Variants in ST6GALNAC3 observed in about 807,000 individuals in gnomAD.
The protein encoded by ST6GALNAC3 is ST6 N-acetylgalactosaminide alpha-2,6-sialyltransferase 3.
ST6GALNAC3 carries 25 observed loss-of-function variants against 32.7 expected under a neutral mutation model. The observed-to-expected ratio is 0.76, with a 90% CI of 0.56 to 1.07. The LOEUF (loss-of-function observed/expected upper bound fraction) is 1.07, where lower values mean the gene tolerates loss of function less well. Among genes scored for constraint, ST6GALNAC3 ranks in the 50% least tolerant of loss-of-function variants. The probability of loss-of-function intolerance (pLI) is 0.00; values close to 1 mark genes in which losing one functional copy is unlikely to be tolerated. For synonymous variants in ST6GALNAC3, 129 were observed against 133.1 expected, an observed-to-expected ratio of 0.97 and a Z score of 0.21; for missense variants, 355 against 382.4, an observed-to-expected ratio of 0.93 and a Z score of 0.60.
intron 3 of ST6GALNAC3, among the ~76,000 whole-genome samples, chr1:76,471,377 C>A (rs1159970268): frequency 6.6e-6 from 1 of 152,040 alleles, no homozygotes; most frequent in African/African-American, 2.4e-5. Context: ...TTACTATGTT[C>A]TTATTGTTTT....
intron 3 of ST6GALNAC3, among the ~76,000 whole-genome samples, chr1:76,448,244 C>A (rs1020917249): frequency 6.6e-6 from 1 of 152,130 alleles, no homozygotes; most frequent in African/African-American, 2.4e-5. Flanking sequence ...GGGCCTTTAG[C>A]ACCTTGGTTT....
intron 3 of ST6GALNAC3, among the ~76,000 whole-genome samples, chr1:76,530,235 A>C (rs865998015): frequency 1.1e-4 from 16 of 152,280 alleles, no homozygotes; most frequent in African/African-American, 3.6e-4. Flanking sequence ...CACTCTAACC[A>C]CTACCTTTTA....
chr1:76,385,349 C>A (rs1486586808), intron 2 of ST6GALNAC3, among the ~76,000 whole-genome samples: 1 of 152,044 alleles, frequency 6.6e-6, no homozygotes, highest in East Asian at 1.9e-4. Context: ...TAGTAATTGT[C>A]TCAAATCTGA....
At chr1:76,180,580 C>G (rs986003842) in intron 1 of ST6GALNAC3, among the ~76,000 whole-genome samples, 2 of 152,070 alleles carry the variant, frequency 1.3e-5, no homozygotes, top group African/African-American at 4.8e-5. Context: ...CCATATAAAC[C>G]CTGAACCCCA....
At position 76,544,094 on chromosome 1, in the gene ST6GALNAC3, TA is replaced by T. The variant is rs1664151789; in HGVS notation, c.624-83357del. ...TTAATTACATTTATATATATATATA[TA>T]TATATGAAATTTAAATTGAGCTACG... On this transcript the variant is annotated intron_variant, in intron 3 of 4. Coordinates refer to ENST00000328299, the MANE Select transcript of ST6GALNAC3 (RefSeq NM_152996.4). 2.0e-5 allele frequency among the ~76,000 whole-genome samples: 3 copies of T among 150,172 alleles called. No homozygotes were observed. The South Asian group carries it at 6.2e-4, about 31-fold the overall frequency.
intron 1 of ST6GALNAC3, among the ~76,000 whole-genome samples, chr1:76,121,771 C>T (rs923835359): frequency 1.3e-5 from 2 of 152,146 alleles, no homozygotes; most frequent in Admixed American, 6.6e-5. Flanking sequence ...ACAAACCCTC[C>T]AGGAGGTTTA....
At chr1:76,413,035 A>C in intron 3 of ST6GALNAC3, 1 of 317,452 alleles carries the variant, frequency 3.2e-6, no homozygotes, top group South Asian at 2.7e-5. Flanking sequence ...TTATCCAAAA[A>C]CCAATTTGCA....
At chr1:76,358,744 G>C (rs1325497059) in intron 2 of ST6GALNAC3, among the ~76,000 whole-genome samples, 1 of 151,918 alleles carries the variant, frequency 6.6e-6, no homozygotes, top group Non-Finnish European at 1.5e-5. Context: ...TCTGAATATG[G>C]CCCACAGGTC....
intron 1 of ST6GALNAC3, among the ~76,000 whole-genome samples, chr1:76,093,915 G>A (rs1647086040): frequency 6.6e-6 from 1 of 152,170 alleles, no homozygotes; most frequent in South Asian, 2.1e-4. Flanking sequence ...TGCTGCTGTG[G>A]GTTACCTTTC....
At chr1:76,252,190 G>A (rs747020494) in intron 1 of ST6GALNAC3, among the ~76,000 whole-genome samples, 15 of 152,224 alleles carry the variant, frequency 9.9e-5, no homozygotes, top group South Asian at 4.2e-4. Flanking sequence ...TACGATGTTC[G>A]TTTGGATGGG....
intron 3 of ST6GALNAC3, among the ~76,000 whole-genome samples, chr1:76,425,822 A>C (rs898231775): frequency 2.6e-5 from 4 of 151,930 alleles, no homozygotes; most frequent in Non-Finnish European, 4.4e-5. Context: ...GCCAAAATCC[A>C]GGCTTTACCT....
chr1:76,364,984 C>A (rs1650254785), intron 2 of ST6GALNAC3, among the ~76,000 whole-genome samples: 2 of 151,898 alleles, frequency 1.3e-5, no homozygotes, highest in African/African-American at 4.8e-5. Context: ...GGGTATACAG[C>A]CAAAAGAAAA....
rs557193499 is a variant in ST6GALNAC3, at chr1:76,581,022, T to G, written c.624-46430T>G. Reference sequence around the variant, plus strand: ...TGGAGAGGGTGGAGGTAGCATAGAATTATGGTTGCTTTATCCATTTTTTTC... The same window carrying G: ...TGGAGAGGGTGGAGGTAGCATAGAAGTATGGTTGCTTTATCCATTTTTTTC... On this transcript the variant is annotated intron_variant, in intron 3 of 4. Coordinates refer to ENST00000328299, the MANE Select transcript of ST6GALNAC3 (RefSeq NM_152996.4). Among the ~76,000 whole-genome samples the G allele has an allele frequency of 3.9e-5, 6 of 152,258 alleles. No individual in the cohort carries two copies. The East Asian group carries it at 9.7e-4, about 25-fold the overall frequency.
At position 76,194,338 on chromosome 1, in the gene ST6GALNAC3, ACC is replaced by A. The variant is rs1402029594; in HGVS notation, c.18+119455_18+119456del. Among the ~76,000 whole-genome samples the A allele has an allele frequency of 2.6e-5, 4 of 152,270 alleles. 1 individual carries two copies. The South Asian group carries it at 6.2e-4, about 24-fold the overall frequency. ...TATAGGCTAAAAGAGTGGTTCTCAA[ACC>A]TTGCGTTTTAGGACCCTTCTACATT... On this transcript the variant is annotated intron_variant, in intron 1 of 4. Transcript: ENST00000328299.
chr1:76,285,024 A>G (rs1191973298), intron 1 of ST6GALNAC3, among the ~76,000 whole-genome samples: 2 of 152,170 alleles, frequency 1.3e-5, no homozygotes, highest in Non-Finnish European at 2.9e-5. Context: ...TAAGAGAGGT[A>G]GGAAATGAGG....
chr1:76,626,860 A>T lies in ST6GALNAC3; in HGVS notation c.624-592A>T, dbSNP rs757739506. Among the ~76,000 whole-genome samples, 43 of 151,954 alleles carry T rather than the reference A, an allele frequency of 2.8e-4. 1 individual carries two copies. The highest frequency in any genetic ancestry group is 5.3e-4 in the Admixed American group (8 of 15,222). On this transcript the variant is annotated intron_variant, in intron 3 of 4. Transcript: ENST00000328299. ...TTACCATGTAGCTTGTTCAATGGAAATACAATGAAGAAGTTGGTAACATAG... is the reference window on the plus strand; with the variant it reads ...TTACCATGTAGCTTGTTCAATGGAATTACAATGAAGAAGTTGGTAACATAG...
In ST6GALNAC3 at chr1:76,509,306, G is replaced by T. The variant is rs1661685892; in HGVS notation, c.623+96889G>T. ...ATTTGCATTCAAAGAATGGTTTAAAGAATATTGGCAGGAATCCAGTAAACT... is the reference window on the plus strand; with the variant it reads ...ATTTGCATTCAAAGAATGGTTTAAATAATATTGGCAGGAATCCAGTAAACT... On this transcript the variant is annotated intron_variant, in intron 3 of 4. Transcript: ENST00000328299. This position sits in a 1 kb window ranked among gnomAD's most constrained non-coding sequence, Gnocchi z 5.5. Among the ~76,000 whole-genome samples the T allele has an allele frequency of 6.6e-6, 1 of 152,172 alleles. No individual in the cohort carries two copies. Among genetic ancestry groups the T allele is most frequent in the Non-Finnish European group, 1.5e-5 (1 of 68,018 alleles).
At chr1:76,132,698 T>C (rs1433007267) in intron 1 of ST6GALNAC3, among the ~76,000 whole-genome samples, 1 of 152,100 alleles carries the variant, frequency 6.6e-6, no homozygotes, top group Non-Finnish European at 1.5e-5. Context: ...GCTCCCTCCA[T>C]CAGATGATGG....
At chr1:76,624,704 C>A (rs918333449) in intron 3 of ST6GALNAC3, among the ~76,000 whole-genome samples, 18 of 151,894 alleles carry the variant, frequency 1.2e-4, no homozygotes, top group African/African-American at 4.1e-4. Context: ...ATGGCCTTGG[C>A]CTTCGTCAGC....
Sources: allele counts gnomAD v4.1 joint callset (sites outside exome capture counted in the v4.1 genomes callset), GRCh38; gene constraint gnomAD v4.1.1; non-coding constraint Gnocchi (gnomAD v3.1); transcripts MANE v1.5; gene names NCBI Gene and HGNC (gene_info 2026-07-23, HGNC 2026-07-21).